SYN2: variants seen among roughly 807,000 people sequenced by gnomAD.
SYN2 encodes synapsin-2.
SYN2 carries 19 observed loss-of-function variants against 50.9 expected under a neutral mutation model. The observed-to-expected ratio is 0.37, with a 90% CI of 0.26 to 0.55. The LOEUF (loss-of-function observed/expected upper bound fraction) is 0.55, where lower values mean the gene tolerates loss of function less well. SYN2 is among the 20% of genes least tolerant of loss of function. The pLI, the probability that SYN2 is intolerant of heterozygous loss-of-function variation, is 0.81. For synonymous variants in SYN2, 255 were observed against 224.9 expected (o/e 1.13, Z -1.20); for missense variants, 587 against 576.4 (o/e 1.02, Z -0.19).
chr3:12,133,614 C>G (rs1696835114), intron 1 of SYN2, among the ~76,000 whole-genome samples: 1 of 152,254 alleles, frequency 6.6e-6, no homozygotes, highest in East Asian at 1.9e-4. Flanking sequence ...CTGCCAAGTG[C>G]CAGTAAAATA....
At position 12,141,945 on chromosome 3, in the gene SYN2, G is replaced by A. The variant is rs773031664; in HGVS notation, c.476G>A (p.Gly159Asp). The change falls in exon 3 of 13, where the codon GGC becomes GAC. Residue 159 changes from glycine to aspartate, a missense_variant. Gly to Asp is a moderately conservative substitution (Grantham distance 94). Coordinates refer to ENST00000621198, the MANE Select transcript of SYN2 (RefSeq NM_133625.6). ...CTCAACCTGGTGGCCCATGCAGATGGCACCTATGCTGTGGATATGCAGGTT... is the reference window on the plus strand; with the variant it reads ...CTCAACCTGGTGGCCCATGCAGATGACACCTATGCTGTGGATATGCAGGTT... Reference protein sequence around the residue: ...SELNLVAHADGTYAVDMQVLR... With the variant: ...SELNLVAHADDTYAVDMQVLR... 3.8e-6 allele frequency: 3 copies of A among 780,786 alleles called. No homozygotes were observed. Among genetic ancestry groups the A allele is most frequent in the South Asian group, 2.7e-5 (2 of 74,620 alleles). The allele number at this position is 780,786 out of a possible 1,614,324, so 48.4% of individuals were successfully genotyped here. A position where few individuals can be genotyped will look rare whatever the true frequency, so the allele number is the denominator to read the frequency against.
At chr3:12,166,548 C>T (rs1007113861) in intron 7 of SYN2, among the ~76,000 whole-genome samples, 1 of 152,118 alleles carries the variant, frequency 6.6e-6, no homozygotes, top group Non-Finnish European at 1.5e-5. Flanking sequence ...TGGAGGGTGC[C>T]GTGGGCACAG....
intron 1 of SYN2, among the ~76,000 whole-genome samples, chr3:12,044,181 T>TCTCTCTCACACACACA (rs573246278): frequency 1.0e-3 from 55 of 53,388 alleles, no homozygotes; most frequent in African/African-American, 2.4e-3. Flanking sequence ...TCTCTCTCTC[T>TCTCTCTCACACACACA]CACACACACA....
chr3:12,179,233 T>C (rs1319107790), intron 10 of SYN2, among the ~76,000 whole-genome samples: 1 of 145,030 alleles, frequency 6.9e-6, no homozygotes, highest in East Asian at 2.1e-4. Context: ...TGAAAGCCTA[T>C]ACCTGCAAGA....
At chr3:12,077,263 A>G (rs772467358) in intron 1 of SYN2, among the ~76,000 whole-genome samples, 1 of 152,122 alleles carries the variant, frequency 6.6e-6, no homozygotes, top group Non-Finnish European at 1.5e-5. Context: ...AAGCATGGCC[A>G]TAGATTTTAA....
At chr3:12,040,934 A>G (rs1298622000) in intron 1 of SYN2, among the ~76,000 whole-genome samples, 1 of 152,186 alleles carries the variant, frequency 6.6e-6, no homozygotes, top group African/African-American at 2.4e-5. Flanking sequence ...ACTGAGAGGT[A>G]CTTTCTTAGA....
At chr3:12,076,773 G>T (rs533325809) in intron 1 of SYN2, among the ~76,000 whole-genome samples, 2 of 152,176 alleles carry the variant, frequency 1.3e-5, no homozygotes, top group South Asian at 2.1e-4. Context: ...TTGAACACAG[G>T]TCTATCCCAT....
At chr3:12,151,112 T>A in intron 4 of SYN2, 125 bp from the exon 5 acceptor site, 1 of 664,980 alleles carries the variant, frequency 1.5e-6, no homozygotes, top group South Asian at 1.9e-5. Flanking sequence ...TTCTTTTATA[T>A]CCTCACAATG....
At chr3:12,157,817 C>T (rs1312328319) in intron 5 of SYN2, among the ~76,000 whole-genome samples, 2 of 152,140 alleles carry the variant, frequency 1.3e-5, no homozygotes, top group African/African-American at 4.8e-5. Flanking sequence ...GGAGGAGCCC[C>T]TTCAGGGCAG....
At chr3:12,172,779 A>G (rs977518539) in intron 10 of SYN2, among the ~76,000 whole-genome samples, 5 of 152,216 alleles carry the variant, frequency 3.3e-5, no homozygotes, top group Admixed American at 1.3e-4. Context: ...AGACACTCCT[A>G]TCACTCCAGA....
chr3:12,117,786 C>A (rs1400769141), intron 1 of SYN2, among the ~76,000 whole-genome samples: 1 of 152,180 alleles, frequency 6.6e-6, no homozygotes, highest in African/African-American at 2.4e-5. Flanking sequence ...GCTTCCTGCC[C>A]TGAAGTTGGC....
intron 1 of SYN2, among the ~76,000 whole-genome samples, chr3:12,127,088 C>T (rs1461132488): frequency 6.6e-6 from 1 of 152,118 alleles, no homozygotes; most frequent in Non-Finnish European, 1.5e-5. Flanking sequence ...TACAACAGCA[C>T]TACATAATGA....
Position 12,016,009 on chromosome 3 carries a change from A to C in SYN2, c.377+11081A>C, listed in dbSNP as rs139789491. ...AGAGGCTTGGGCTTCGTGAGAGGAA[A>C]TTGAGATCCCCTTTCTCTATCATGG... is the stretch of plus-strand genomic sequence containing the variant. On this transcript the variant is annotated intron_variant, in intron 1 of 12. Transcript: ENST00000621198. 6.8e-3 allele frequency among the ~76,000 whole-genome samples: 1,038 copies of C among 152,306 alleles called. 12 individuals carry two copies. The highest frequency in any genetic ancestry group is 0.023 in the African/African-American group (967 of 41,558).
intron 4 of SYN2, among the ~76,000 whole-genome samples, chr3:12,148,368 G>A (rs1004734752): frequency 1.3e-5 from 2 of 152,184 alleles, no homozygotes; most frequent in East Asian, 1.9e-4. Flanking sequence ...CATGAATGAC[G>A]TTTTACATAT....
chr3:12,184,125 TAC>T, intron 11 of SYN2: 1 of 985,936 alleles, frequency 1.0e-6, no homozygotes, highest in Non-Finnish European at 1.2e-6. Flanking sequence ...TGACATGAAA[TAC>T]AAAGAACAAG....
At chr3:12,065,531 A>G (rs1287919137) in intron 1 of SYN2, among the ~76,000 whole-genome samples, 1 of 152,214 alleles carries the variant, frequency 6.6e-6, no homozygotes, top group Admixed American at 6.5e-5. Flanking sequence ...AAAAGGAATG[A>G]AATTATGTCC....
rs1259880553 is a variant in SYN2, at chr3:12,004,836, C to T, written c.285C>T (p.Ala95=). ...CCCAAGCCGTGAAGCAGACGGCCGC[C>T]TCGGCTGGCCTGGTGGACGCGCCCG... ...SLSQAVKQTA[A]SAGLVDAPAP... is the part of the protein sequence containing the mutation. Residue 95 remains alanine (A), a synonymous_variant, in exon 1 of 13, where the codon GCC becomes GCT. Coordinates refer to ENST00000621198, the MANE Select transcript of SYN2 (RefSeq NM_133625.6). 13 of 499,328 alleles carry T rather than the reference C, an allele frequency of 2.6e-5. No homozygotes were observed. The highest frequency in any genetic ancestry group is 6.1e-5 in the African/African-American group (3 of 49,474). 30.9% of individuals were successfully genotyped at this position (499,328 alleles called of 1,614,324 possible). A position where few individuals can be genotyped will look rare whatever the true frequency, so the allele number is the denominator to read the frequency against.
intron 1 of SYN2, among the ~76,000 whole-genome samples, chr3:12,051,749 A>G (rs1020208620): frequency 1.3e-5 from 2 of 152,176 alleles, no homozygotes; most frequent in African/African-American, 2.4e-5. Flanking sequence ...TATTCCTTAA[A>G]TGGGTCAGTT....
chr3:12,064,911 A>T (rs559890059), intron 1 of SYN2, among the ~76,000 whole-genome samples: 50 of 152,278 alleles, frequency 3.3e-4, no homozygotes, highest in African/African-American at 1.1e-3. Flanking sequence ...TCACCCAACA[A>T]CTTGTACACA....
Sources: gnomAD v4.1 joint callset for allele counts (sites outside exome capture counted in the v4.1 genomes callset) on GRCh38, gnomAD v4.1.1 for gene constraint, MANE v1.5 for transcripts, NCBI Gene and HGNC (gene_info 2026-07-23, HGNC 2026-07-21) for gene names.